The following BAZ2A variants were observed in gnomAD, a reference collection of about 807,000 sequenced individuals.
BAZ2A encodes the protein bromodomain adjacent to zinc finger domain protein 2A.
A neutral mutation model predicts 199.9 loss-of-function variants in BAZ2A; 34 were observed. The observed-to-expected ratio is 0.17, with a 90% CI of 0.13 to 0.23. The LOEUF is 0.23. Ranked by LOEUF, BAZ2A falls within the 10% of genes least tolerant of loss-of-function variation. The pLI, the probability that BAZ2A is intolerant of heterozygous loss-of-function variation, is 1.00. For synonymous variants in BAZ2A, 857 were observed against 883.9 expected (o/e 0.97, Z 0.54); for missense variants, 2,002 against 2,391.1 (o/e 0.84, Z 3.39).
At chr12:56,621,135 T>C (rs2137191955) in intron 1 of BAZ2A, 5 of 985,334 alleles carry the variant, frequency 5.1e-6, no homozygotes, top group Non-Finnish European at 6.0e-6. Flanking sequence ...GTGTGGAGGA[T>C]ACATGCAACT....
At chr12:56,637,852 C>T (rs1319872100), upstream of BAZ2A, among the ~76,000 whole-genome samples, 1 of 152,014 alleles carries the variant, frequency 6.6e-6, no homozygotes, top group African/African-American at 2.4e-5. Flanking sequence ...CACAGGAAAC[C>T]CCTCACAAGA....
intron 1 of BAZ2A, among the ~76,000 whole-genome samples, chr12:56,620,790 A>AC (rs1950896301): frequency 6.6e-6 from 1 of 151,878 alleles, no homozygotes; most frequent in Non-Finnish European, 1.5e-5. Flanking sequence ...TGAATTCCTG[A>AC]CCTCAAGTGA....
intron 1 of BAZ2A, among the ~76,000 whole-genome samples, chr12:56,623,133 G>C (rs907537847): frequency 6.6e-6 from 1 of 152,082 alleles, no homozygotes; most frequent in African/African-American, 2.4e-5. Flanking sequence ...CTACTCGGGA[G>C]GCTGAGGCAG....
intron 3 of BAZ2A, among the ~76,000 whole-genome samples, chr12:56,614,515 T>C (rs1228721665): frequency 6.6e-6 from 1 of 152,204 alleles, no homozygotes; most frequent in Non-Finnish European, 1.5e-5. Context: ...TGAGAGGGGC[T>C]GTCACGTGTA....
rs1886122048 is a variant in BAZ2A at position 56,599,023 on chromosome 12, G to A, written c.5403-12C>T. 6.2e-7 allele frequency: 1 copy of A among 1,610,164 alleles called. No homozygotes were observed. The highest frequency in any genetic ancestry group is 8.5e-7 in the Non-Finnish European group (1 of 1,178,328). ...CCATCAGGATAATCCTATCATTAGA[G>A]GGACAATGATGGCTCCATCTCAGGA... On this transcript the variant is annotated splice_polypyrimidine_tract_variant and intron_variant, in intron 27 of 28. Transcript: ENST00000549884.
upstream of BAZ2A, among the ~76,000 whole-genome samples, chr12:56,635,271 G>C (rs1951421422): frequency 6.6e-6 from 1 of 152,072 alleles, no homozygotes; most frequent in South Asian, 2.1e-4. This position sits in a 1 kb window ranked among gnomAD's most constrained non-coding sequence, Gnocchi z 4.1. Flanking sequence ...CGAAAGGAAG[G>C]ACTTGGGAGA....
At chr12:56,606,456 A>G in intron 11 of BAZ2A, 144 bp from the exon 12 acceptor site, 1 of 1,172,596 alleles carries the variant, frequency 8.5e-7, no homozygotes, top group South Asian at 1.3e-5. Context: ...CTCTCACCCT[A>G]GAGATGCCCA....
chr12:56,599,842 G>C lies in BAZ2A; in HGVS notation c.5032C>G (p.Leu1678Val), dbSNP rs925587260. The C allele has an allele frequency of 1.2e-6, 2 of 1,613,958 alleles. No individual in the cohort carries two copies. Among genetic ancestry groups the C allele is most frequent in the African/African-American group, 1.3e-5 (1 of 75,038 alleles). The change falls in exon 26 of 29, where the codon CTA (leucine) becomes GTA (valine). Residue 1678 changes from leucine to valine, a missense_variant. This residue lies in a region of BAZ2A where 1,081 missense variants were observed against 1,274.7 expected (regional missense o/e 0.85). Coordinates refer to ENST00000549884, the MANE Select transcript of BAZ2A (RefSeq NM_001300905.2). ...TCATTGTCACCCTTCCGGCAGACTA[G>C]ACATGTCTGGACCAAGGTTGTGAGG... Reference protein sequence around the residue: ...WEKSVNKVTCLVCRKGDNDEF... With the variant: ...WEKSVNKVTCVVCRKGDNDEF...
At position 56,613,194 on chromosome 12, in the gene BAZ2A, T is replaced by C; in HGVS notation, c.956A>G (p.Glu319Gly). ...CAGCTTGTCCTCTGCACCCATCAGC[T>C]CCGTGTCATCAATACCATATAGTCC... ...SGGLYGIDDT[E>G]LMGAEDKLPL... Residue 319 changes from glutamate to glycine, a missense_variant, in exon 5 of 29, where the codon GAG becomes GGG. Glu to Gly is a moderately conservative substitution (Grantham distance 98). Around this residue, in one of 6 missense-constraint regions of BAZ2A, gnomAD observed 641 missense variants for 694.5 expected, o/e 0.92. Coordinates refer to ENST00000549884, the MANE Select transcript of BAZ2A (RefSeq NM_001300905.2). The C allele has an allele frequency of 1.9e-6, 3 of 1,613,942 alleles. 1 individual carries two copies. In the South Asian group the frequency reaches 3.3e-5, roughly 18 times the overall value.
At chr12:56,634,865 C>T, upstream of BAZ2A, 7 of 963,058 alleles carry the variant, frequency 7.3e-6, no homozygotes, top group Non-Finnish European at 8.6e-6. Flanking sequence ...AATCCCGGGG[C>T]AGCAGGGATC....
chr12:56,627,837 A>G (rs373853597), intron 1 of BAZ2A, among the ~76,000 whole-genome samples: 3 of 150,908 alleles, frequency 2.0e-5, no homozygotes, highest in South Asian at 2.1e-4. Flanking sequence ...AAAAAAAAAA[A>G]AAAGAAAGAA....
At position 56,600,965 on chromosome 12, in the gene BAZ2A, T is replaced by C; in HGVS notation, c.4428A>G (p.Glu1476=). 6.2e-7 allele frequency: 1 copy of C among 1,613,776 alleles called. No homozygotes were observed. The highest frequency in any genetic ancestry group is 8.5e-7 in the Non-Finnish European group (1 of 1,179,762). The change falls in exon 22 of 29, where the codon GAA becomes GAG. Residue 1476 remains glutamate, a synonymous_variant. Transcript: ENST00000549884. The stretch of plus-strand genomic sequence containing the variant: ...TACCAGCTGAGGGCCGCAGGCAGAC[T>C]TCCTGCAAGAAGTCCCTGTGCTTGT... ...HLNKHRDFLQ[E]VCLRPSADPI... is the part of the protein sequence containing the mutation.
At chr12:56,616,770 T>C (rs573404389) in intron 2 of BAZ2A, among the ~76,000 whole-genome samples, 2 of 152,188 alleles carry the variant, frequency 1.3e-5, no homozygotes, top group African/African-American at 2.4e-5. Context: ...CTTCCAAGTA[T>C]AAAGGACTTG....
chr12:56,634,302 G>T (rs1951391605), upstream of BAZ2A, among the ~76,000 whole-genome samples: 1 of 152,060 alleles, frequency 6.6e-6, no homozygotes, highest in Non-Finnish European at 1.5e-5. Flanking sequence ...TTCCGGCAGC[G>T]CCCTGGCCCC....
upstream of BAZ2A, among the ~76,000 whole-genome samples, chr12:56,633,073 A>C (rs1415043504): frequency 1.3e-5 from 2 of 151,932 alleles, no homozygotes; most frequent in Admixed American, 6.6e-5. Context: ...AATAGGCTGA[A>C]CCTCCCTCAA....
chr12:56,631,564 T>C (rs1157938563), upstream of BAZ2A, among the ~76,000 whole-genome samples: 1 of 151,908 alleles, frequency 6.6e-6, no homozygotes, highest in East Asian at 1.9e-4. Context: ...GGATAAAATA[T>C]GACAAGAAAG....
In BAZ2A at chr12:56,598,386, TTA is replaced by T. The variant is rs1886049366; in HGVS notation, c.*230_*231del. The T allele has an allele frequency of 2.2e-6, 1 of 449,014 alleles. No individual in the cohort carries two copies. The highest frequency in any genetic ancestry group is 3.9e-6 in the Non-Finnish European group (1 of 259,568). 27.8% of individuals were successfully genotyped at this position (449,014 alleles called of 1,614,324 possible). A position where few individuals can be genotyped will look rare whatever the true frequency, so the allele number is the denominator to read the frequency against. On this transcript the variant is annotated 3_prime_UTR_variant, in exon 29 of 29. Transcript: ENST00000549884. ...ATTTTTTTCTTTCTTTTTTTGGCTT[TTA>T]GTCCAGAAGGACCTCATCTCTGCAC...
upstream of BAZ2A, among the ~76,000 whole-genome samples, chr12:56,634,176 G>C (rs578100186): frequency 6.6e-6 from 1 of 152,164 alleles, no homozygotes; most frequent in African/African-American, 2.4e-5. Flanking sequence ...CTTTGCATCT[G>C]AACAGAGAAG....
At chr12:56,636,163 G>A (rs761241224) in intron 1 of BAZ2A, 2 of 1,589,472 alleles carry the variant, frequency 1.3e-6, no homozygotes, top group South Asian at 2.3e-5. Context: ...CCTTCCCCGG[G>A]GCTGGTCCCC....
Sources: allele counts gnomAD v4.1 joint callset (sites outside exome capture counted in the v4.1 genomes callset), GRCh38; gene constraint gnomAD v4.1.1; regional missense constraint gnomAD v4.1.1; non-coding constraint Gnocchi (gnomAD v3.1); transcripts MANE v1.5; gene names NCBI Gene and HGNC (gene_info 2026-07-23, HGNC 2026-07-21).